TTC28: variants seen among roughly 807,000 people sequenced by gnomAD.
The protein encoded by TTC28 is tetratricopeptide repeat domain 28.
A neutral mutation model predicts 198.0 loss-of-function variants in TTC28; 61 were observed. That is an observed-to-expected ratio of 0.31 (90% CI 0.25 to 0.38). TTC28 has a LOEUF of 0.38. Among genes scored for constraint, TTC28 ranks in the 10% least tolerant of loss-of-function variants. TTC28 has a pLI of 1.00. For missense variants in TTC28, 2,678 were observed against 3,164.0 expected, an observed-to-expected ratio of 0.85 and a Z score of 3.69; for synonymous variants, 1,171 against 1,297.8, an observed-to-expected ratio of 0.90 and a Z score of 2.10.
chr22:28,564,312 T>TATTTTTAATAAATA (rs1265278531), intron 2 of TTC28, among the ~76,000 whole-genome samples: 1 of 152,192 alleles, frequency 6.6e-6, no homozygotes, highest in Non-Finnish European at 1.5e-5. Context: ...AAGTGTAAAA[T>TATTTTTAATAAATA]TTTTTAATAA....
chr22:28,322,396 T>C (rs2045461593), intron 2 of TTC28, among the ~76,000 whole-genome samples: 1 of 152,192 alleles, frequency 6.6e-6, no homozygotes, highest in Non-Finnish European at 1.5e-5. Flanking sequence ...TATTATCTAT[T>C]ATATAGGCTT....
At position 27,992,405 on chromosome 22, in the gene TTC28, C is replaced by T. The variant is rs907499521; in HGVS notation, c.5553+182G>A. On this transcript the variant is annotated intron_variant, in intron 19 of 22. Coordinates refer to ENST00000397906, the MANE Select transcript of TTC28 (RefSeq NM_001145418.2). ...GCCTTGGCATCGCAGATGGAAACAG[C>T]AGGTAAACAGCACTTGCCAGGCAGG... is the stretch of plus-strand genomic sequence containing the variant. 3.0e-5 allele frequency: 19 copies of T among 639,746 alleles called. No homozygotes were observed. In the East Asian group the frequency reaches 5.0e-4, roughly 17 times the overall value. The allele number at this position is 639,746 out of a possible 1,614,324, so 39.6% of individuals were successfully genotyped here. A position where few individuals can be genotyped will look rare whatever the true frequency, so the allele number is the denominator to read the frequency against.
chr22:28,428,462 CCTAT>C (rs2047382277), intron 2 of TTC28, among the ~76,000 whole-genome samples: 1 of 151,954 alleles, frequency 6.6e-6, no homozygotes, highest in Admixed American at 6.6e-5. Context: ...TCCATAGCAC[CCTAT>C]CTGTGGTACC....
At chr22:28,336,005 T>C (rs928971446) in intron 2 of TTC28, among the ~76,000 whole-genome samples, 3 of 152,204 alleles carry the variant, frequency 2.0e-5, no homozygotes, top group African/African-American at 7.2e-5. Flanking sequence ...TATTTTGAGA[T>C]ACGTGCCATC....
intron 2 of TTC28, among the ~76,000 whole-genome samples, chr22:28,534,161 T>C (rs998796323): frequency 6.6e-6 from 1 of 152,200 alleles, no homozygotes; most frequent in Non-Finnish European, 1.5e-5. Context: ...AATCTATCCA[T>C]CTGACACAGG....
chr22:28,618,913 T>C (rs1438718970), intron 2 of TTC28, among the ~76,000 whole-genome samples: 3 of 152,070 alleles, frequency 2.0e-5, no homozygotes, highest in Admixed American at 6.5e-5. Context: ...GATCCTATAT[T>C]AATAGGATCT....
chr22:28,634,545 T>C (rs2051234258), intron 1 of TTC28, among the ~76,000 whole-genome samples: 1 of 150,240 alleles, frequency 6.7e-6, no homozygotes, highest in Non-Finnish European at 1.5e-5. Context: ...TTTCTATGTA[T>C]GGCTAAAAAG....
At chr22:28,478,519 C>A (rs951102584) in intron 2 of TTC28, among the ~76,000 whole-genome samples, 19 of 148,762 alleles carry the variant, frequency 1.3e-4, no homozygotes, top group Non-Finnish European at 2.2e-4. Flanking sequence ...AAAATCAAAT[C>A]AAATAAAATA....
chr22:28,260,674 C>T (rs1420378774), intron 5 of TTC28, among the ~76,000 whole-genome samples: 1 of 152,132 alleles, frequency 6.6e-6, no homozygotes, highest in East Asian at 1.9e-4. Flanking sequence ...GCTAGAAAAA[C>T]AGCATCACCA....
chr22:28,271,544 T>C (rs1932073141), intron 5 of TTC28, among the ~76,000 whole-genome samples: 1 of 152,158 alleles, frequency 6.6e-6, no homozygotes, highest in African/African-American at 2.4e-5. Context: ...CAGTGGGAGA[T>C]AACTGATTCA....
chr22:28,398,377 C>G (rs567884223), intron 2 of TTC28, among the ~76,000 whole-genome samples: 1 of 152,246 alleles, frequency 6.6e-6, no homozygotes, highest in Non-Finnish European at 1.5e-5. Context: ...GAAAGAGAAA[C>G]AGACAAAATA....
intron 5 of TTC28, among the ~76,000 whole-genome samples, chr22:28,255,252 G>A (rs1333712549): frequency 6.6e-6 from 1 of 152,098 alleles, no homozygotes; most frequent in Non-Finnish European, 1.5e-5. Flanking sequence ...CACCCTGAAA[G>A]GGTGACATAA....
intron 2 of TTC28, among the ~76,000 whole-genome samples, chr22:28,427,867 C>T (rs560838343): frequency 7.2e-5 from 11 of 152,186 alleles, no homozygotes; most frequent in South Asian, 6.2e-4. Context: ...TCCCCTCCTA[C>T]CTTCCTTTTT....
chr22:28,092,496 T>C (rs1461361941), intron 12 of TTC28, among the ~76,000 whole-genome samples: 5 of 152,200 alleles, frequency 3.3e-5, no homozygotes, highest in Non-Finnish European at 7.3e-5. Flanking sequence ...AGATTCTCTC[T>C]CCCTTTCATA....
chr22:28,584,859 T>C (rs2050290803), intron 2 of TTC28, among the ~76,000 whole-genome samples: 1 of 152,190 alleles, frequency 6.6e-6, no homozygotes, highest in Non-Finnish European at 1.5e-5. Flanking sequence ...AAATAAACGA[T>C]GAAGTTCTGA....
intron 2 of TTC28, among the ~76,000 whole-genome samples, chr22:28,311,417 TACAAA>T (rs2045254468): frequency 6.6e-6 from 1 of 152,214 alleles, no homozygotes; most frequent in African/African-American, 2.4e-5. Context: ...ACTGTATGTA[TACAAA>T]ACAACTTTGT....
chr22:28,575,304 G>C (rs1442410999), intron 2 of TTC28, among the ~76,000 whole-genome samples: 1 of 152,060 alleles, frequency 6.6e-6, no homozygotes, highest in African/African-American at 2.4e-5. Context: ...GTATGTTCTT[G>C]GCACCTTTGT....
intron 6 of TTC28, among the ~76,000 whole-genome samples, chr22:28,141,478 A>G (rs1429626445): frequency 6.6e-6 from 1 of 152,204 alleles, no homozygotes; most frequent in Non-Finnish European, 1.5e-5. Context: ...ATTACGTCTC[A>G]CTGAAAGGGA....
At position 27,978,068 on chromosome 22, in the gene TTC28, G is replaced by A. The variant is rs1367514330; in HGVS notation, c.*4153C>T. 2 of 152,146 alleles carry A rather than the reference G, an allele frequency of 1.3e-5. No individual in the cohort carries two copies. Among genetic ancestry groups the A allele is most frequent in the Admixed American group, 1.3e-4 (2 of 15,278 alleles). The allele number at this position is 152,146 out of a possible 1,614,324, so 9.4% of individuals were successfully genotyped here. A position where few individuals can be genotyped will look rare whatever the true frequency, so the allele number is the denominator to read the frequency against. On this transcript the variant is annotated 3_prime_UTR_variant, in exon 23 of 23. Transcript: ENST00000397906. ...GACACTGAAAATCACAAAGGAGGAA[G>A]GCCAAGTGCCTTAGCAATCTCAATA...
Sources: gnomAD v4.1 joint callset for allele counts (sites outside exome capture counted in the v4.1 genomes callset) on GRCh38, gnomAD v4.1.1 for gene constraint, MANE v1.5 for transcripts, NCBI Gene and HGNC (gene_info 2026-07-23, HGNC 2026-07-21) for gene names.